Variants in CCDC33 observed in about 807,000 individuals in gnomAD.
CCDC33 encodes the protein coiled-coil domain-containing protein 33.
Under a neutral mutation model 91.9 loss-of-function variants are expected in CCDC33, and 94 were observed. The ratio of observed to expected loss-of-function variants is 1.02; its 90% CI spans 0.87 to 1.21. The LOEUF is 1.21. Among genes scored for constraint, CCDC33 ranks in the 50% most tolerant of loss-of-function variants. The pLI is 0.00. For missense variants in CCDC33, 940 were observed against 935.5 expected (o/e 1.00, Z -0.06); for synonymous variants, 396 against 374.5 (o/e 1.06, Z -0.66).
chr15:74,335,281 A>G (rs780985967), intron 18 of CCDC33, 193 bp downstream of exon 18: 1 of 655,588 alleles, frequency 1.5e-6, no homozygotes, highest in Non-Finnish European at 2.8e-6. Flanking sequence ...CACCTGTCTA[A>G]GGGGAACAGA....
chr15:74,266,526 G>GGTGATCCACACAT, intron 3 of CCDC33, 152 bp from the exon 4 acceptor site: 3 of 650,094 alleles, frequency 4.6e-6, no homozygotes, highest in South Asian at 1.7e-5. Flanking sequence ...TGTGCACAGG[G>GGTGATCCACACAT]GTGATCCACA....
intron 1 of CCDC33, chr15:74,208,829 C>T (rs2142117759): frequency 1.0e-6 from 1 of 989,268 alleles, no homozygotes; most frequent in Non-Finnish European, 1.2e-6. Context: ...TGACCTCTCC[C>T]TTCCTTGTCT....
intron 2 of CCDC33, among the ~76,000 whole-genome samples, chr15:74,246,794 A>G (rs2075544667): frequency 6.6e-6 from 1 of 152,214 alleles, no homozygotes; most frequent in Non-Finnish European, 1.5e-5. Flanking sequence ...TAAAACTACC[A>G]TATGATCCCG....
At chr15:74,210,706 T>G (rs2074353875) in intron 2 of CCDC33, among the ~76,000 whole-genome samples, 4 of 152,238 alleles carry the variant, frequency 2.6e-5, no homozygotes, top group Admixed American at 2.6e-4. Flanking sequence ...CTGTGTGAAT[T>G]TGATTCCGTC....
Position 74,335,258 on chromosome 15 carries a change from G to T in CCDC33, c.2139+170G>T, listed in dbSNP as rs957847519. 3.2e-4 allele frequency: 231 copies of T among 722,966 alleles called. 1 individual carries two copies. Among genetic ancestry groups the T allele is most frequent in the Non-Finnish European group, 2.8e-5 (11 of 391,452 alleles). 44.8% of individuals were successfully genotyped at this position (722,966 alleles called of 1,614,324 possible). A position where few individuals can be genotyped will look rare whatever the true frequency, so the allele number is the denominator to read the frequency against. Reference sequence around the variant, plus strand: ...TGCTCCATTACCAACCGAAGGCTCGGTCTTAATTCCCCCACCTGTCTAAGG... The same window carrying T: ...TGCTCCATTACCAACCGAAGGCTCGTTCTTAATTCCCCCACCTGTCTAAGG... On this transcript the variant is annotated intron_variant, in intron 18 of 18. Transcript: ENST00000398814.
chr15:74,206,144 C>T (rs1344116257), intron 1 of CCDC33, among the ~76,000 whole-genome samples: 1 of 152,198 alleles, frequency 6.6e-6, no homozygotes, highest in Non-Finnish European at 1.5e-5. Flanking sequence ...ACACCAGTAA[C>T]CAGTTGTAAC....
chr15:74,217,675 G>A (rs749957517), intron 1 of CCDC33: 60 of 1,003,930 alleles, frequency 6.0e-5, no homozygotes, highest in Non-Finnish European at 7.7e-5. Context: ...AGGAGAACTG[G>A]GAGGGTGGGG....
chr15:74,298,660 C>T (rs2059734305), intron 11 of CCDC33, among the ~76,000 whole-genome samples: 1 of 149,886 alleles, frequency 6.7e-6, no homozygotes, highest in Non-Finnish European at 1.5e-5. Flanking sequence ...CTGCCTCAGT[C>T]TCTCAAGTAG....
chr15:74,335,892 G>A (rs550889978), intron 18 of CCDC33, 33 bp from the exon 19 acceptor site: 3 of 1,549,790 alleles, frequency 1.9e-6, no homozygotes, highest in South Asian at 1.1e-5. Flanking sequence ...TGGGAATGGG[G>A]GGTACTCACG....
chr15:74,318,465 G>C, intron 11 of CCDC33: 1 of 530,270 alleles, frequency 1.9e-6, no homozygotes, highest in Non-Finnish European at 3.4e-6. Context: ...CTGGAACAAA[G>C]GGGAAGTGGC....
At chr15:74,241,012 T>C (rs2075331313) in intron 1 of CCDC33, among the ~76,000 whole-genome samples, 1 of 152,156 alleles carries the variant, frequency 6.6e-6, no homozygotes, top group African/African-American at 2.4e-5. Context: ...AGGGTGGATA[T>C]GGGAGGAAGC....
intron 11 of CCDC33, among the ~76,000 whole-genome samples, chr15:74,296,616 A>G (rs1304840851): frequency 6.6e-6 from 1 of 152,128 alleles, no homozygotes; most frequent in Non-Finnish European, 1.5e-5. Flanking sequence ...ACAAGAGTGA[A>G]ACTCCATCTC....
Position 74,236,618 on chromosome 15 carries a change from A to G in CCDC33, c.-102A>G. 1 of 1,105,064 alleles carries G rather than the reference A, an allele frequency of 9.0e-7. No homozygotes were observed. The highest frequency in any genetic ancestry group is 2.5e-5 in the East Asian group (1 of 39,630). The allele number at this position is 1,105,064 out of a possible 1,614,324, so 68.5% of individuals were successfully genotyped here. A position where few individuals can be genotyped will look rare whatever the true frequency, so the allele number is the denominator to read the frequency against. On this transcript the variant is annotated 5_prime_UTR_variant, in exon 1 of 19. Transcript: ENST00000398814. Reference sequence around the variant, plus strand: ...TACCCATAAGGACTCCAAGACGCCCAGGCCAGCTGTCTGGGCAGGACTGAT... The same window carrying G: ...TACCCATAAGGACTCCAAGACGCCCGGGCCAGCTGTCTGGGCAGGACTGAT...
At chr15:74,311,035 A>G (rs1304583726) in intron 11 of CCDC33, among the ~76,000 whole-genome samples, 1 of 150,634 alleles carries the variant, frequency 6.6e-6, no homozygotes, top group Admixed American at 6.6e-5. Flanking sequence ...GGCTGGAGGC[A>G]GGACCGTGAT....
intron 2 of CCDC33, among the ~76,000 whole-genome samples, chr15:74,258,782 T>G (rs2075945784): frequency 6.6e-6 from 1 of 152,150 alleles, no homozygotes; most frequent in Non-Finnish European, 1.5e-5. Context: ...TTTCTTCCAC[T>G]CACAGCTGCA....
chr15:74,320,791 C>T (rs1186395214), intron 11 of CCDC33, among the ~76,000 whole-genome samples: 3 of 152,202 alleles, frequency 2.0e-5, no homozygotes, highest in African/African-American at 4.8e-5. Context: ...CTTGCCGCTT[C>T]GATATCCCAC....
chr15:74,217,947 T>C, intron 1 of CCDC33, among the ~76,000 whole-genome samples: 1 of 152,074 alleles, frequency 6.6e-6, no homozygotes, highest in South Asian at 2.1e-4. Context: ...TGCCTGTCCC[T>C]GAGCCCCACT....
chr15:74,229,944 C>T (rs191262394), intron 2 of CCDC33, among the ~76,000 whole-genome samples: 1 of 152,262 alleles, frequency 6.6e-6, no homozygotes, highest in Non-Finnish European at 1.5e-5. Context: ...TCCCTGAGGT[C>T]GGGTGGGGGA....
At chr15:74,271,651 A>G in intron 5 of CCDC33, 52 bp from the exon 6 acceptor site, 1 of 1,416,716 alleles carries the variant, frequency 7.1e-7, no homozygotes, top group South Asian at 1.2e-5. Context: ...CTGTCTCTGG[A>G]AGGTCCCAAG....
Sources: allele counts gnomAD v4.1 joint callset (sites outside exome capture counted in the v4.1 genomes callset), GRCh38; gene constraint gnomAD v4.1.1; transcripts MANE v1.5; gene names NCBI Gene and HGNC (gene_info 2026-07-23, HGNC 2026-07-21).